VIPR2: variants seen among roughly 807,000 people sequenced by gnomAD.
VIPR2 encodes vasoactive intestinal peptide receptor 2.
A neutral mutation model predicts 58.0 loss-of-function variants in VIPR2; 48 were observed. The observed-to-expected ratio is 0.83, with a 90% CI of 0.66 to 1.05. The LOEUF is 1.05. Ranked by LOEUF, VIPR2 falls within the 50% of genes least tolerant of loss-of-function variation. VIPR2 has a pLI of 0.00. For synonymous variants in VIPR2, 243 were observed against 235.2 expected, an observed-to-expected ratio of 1.03 and a Z score of -0.30; for missense variants, 534 against 558.0, an observed-to-expected ratio of 0.96 and a Z score of 0.43.
At chr7:159,080,250 A>G (rs1368338191) in intron 4 of VIPR2, among the ~76,000 whole-genome samples, 1 of 152,220 alleles carries the variant, frequency 6.6e-6, no homozygotes, top group Non-Finnish European at 1.5e-5. Context: ...CCAACAACAC[A>G]TCAAAAAGCT....
chr7:159,061,898 G>A (rs1416366353), intron 4 of VIPR2, among the ~76,000 whole-genome samples: 1 of 152,172 alleles, frequency 6.6e-6, no homozygotes, highest in Non-Finnish European at 1.5e-5. Flanking sequence ...GCTAGCGGGA[G>A]AAGCCTGCCG....
chr7:159,057,675 T>C (rs1855400575), intron 5 of VIPR2, among the ~76,000 whole-genome samples: 1 of 152,218 alleles, frequency 6.6e-6, no homozygotes, highest in Admixed American at 6.5e-5. Context: ...GCCTCCATTT[T>C]ATTTAGTGCT....
Position 159,034,584 on chromosome 7 carries a change from G to A in VIPR2, c.876C>T (p.Ile292=), listed in dbSNP as rs775675627. 3 of 1,613,410 alleles carry A rather than the reference G, an allele frequency of 1.9e-6. No homozygotes were observed. The Admixed American group carries it at 5.0e-5, about 27-fold the overall frequency. ...WVIRIPILIS[I]IVNFVLFISI... ...CATGTCAACAGGGACTACTTACGAT[G>A]ATGGAAATTAAAATCGGTATTCGTA... is the stretch of plus-strand genomic sequence containing the variant. The change falls in exon 9 of 13, where the codon ATC becomes ATT. Residue 292 remains isoleucine, a synonymous_variant. Transcript: ENST00000262178.
At chr7:159,051,741 A>G (rs1295765442) in intron 5 of VIPR2, among the ~76,000 whole-genome samples, 1 of 152,230 alleles carries the variant, frequency 6.6e-6, no homozygotes, top group Non-Finnish European at 1.5e-5. Flanking sequence ...TATCTTAAAT[A>G]TCAGACAAAG....
intron 4 of VIPR2, 129 bp from the exon 5 acceptor site, chr7:159,058,707 G>T: frequency 3.0e-6 from 2 of 675,842 alleles, no homozygotes; most frequent in East Asian, 2.7e-5. Context: ...GCACGAGATA[G>T]TCTCGCTTTA....
At chr7:159,080,969 G>A (rs1368355866) in intron 4 of VIPR2, among the ~76,000 whole-genome samples, 2 of 152,094 alleles carry the variant, frequency 1.3e-5, no homozygotes, top group Admixed American at 6.6e-5. Context: ...AATAAAAGAG[G>A]ATACAAACAA....
At position 159,097,152 on chromosome 7, in the gene VIPR2, C is replaced by T. The variant is rs1460548326; in HGVS notation, c.357+6605G>A. On this transcript the variant is annotated intron_variant, in intron 4 of 12. Coordinates refer to ENST00000262178, the MANE Select transcript of VIPR2 (RefSeq NM_003382.5). This position sits in a 1 kb window ranked among gnomAD's most constrained non-coding sequence, Gnocchi z 5.3. Reference sequence around the variant, plus strand: ...GCCTCCCACAAAGGCATCTGCAGTGCCAGCTGCTGTGATCTTTGTCACCAG... The same window carrying T: ...GCCTCCCACAAAGGCATCTGCAGTGTCAGCTGCTGTGATCTTTGTCACCAG... The T allele has an allele frequency of 6.9e-7, 1 of 1,454,218 alleles. No individual in the cohort carries two copies. The highest frequency in any genetic ancestry group is 2.5e-5 in the East Asian group (1 of 39,892). 90.1% of individuals were successfully genotyped at this position (1,454,218 alleles called of 1,614,324 possible).
intron 6 of VIPR2, 32 bp from the exon 7 acceptor site, chr7:159,036,934 T>A (rs567755241): frequency 4.4e-5 from 70 of 1,597,816 alleles, no homozygotes; most frequent in Non-Finnish European, 5.6e-5. Context: ...GAGGAAAGCA[T>A]GACCTCATCC....
At chr7:159,042,788 C>T (rs1854425110) in intron 6 of VIPR2, among the ~76,000 whole-genome samples, 1 of 152,168 alleles carries the variant, frequency 6.6e-6, no homozygotes, top group African/African-American at 2.4e-5. Flanking sequence ...GGCTCAGGGC[C>T]CTTTCACTTC....
chr7:159,136,185 C>T (rs1797216720), intron 2 of VIPR2, among the ~76,000 whole-genome samples: 2 of 152,138 alleles, frequency 1.3e-5, no homozygotes, highest in Admixed American at 1.3e-4. Context: ...GGCTTTCTTG[C>T]TGGCGGGGAC....
intron 4 of VIPR2, among the ~76,000 whole-genome samples, chr7:159,064,764 A>C (rs1855987852): frequency 6.6e-6 from 1 of 152,156 alleles, no homozygotes; most frequent in African/African-American, 2.4e-5. Context: ...CTGGCACCAC[A>C]TGACCCGGGG....
At chr7:159,033,259 C>A (rs1413217042) in intron 10 of VIPR2, among the ~76,000 whole-genome samples, 1 of 152,178 alleles carries the variant, frequency 6.6e-6, no homozygotes, top group African/African-American at 2.4e-5. Context: ...TCCTGTCTAA[C>A]CGCCCCTCCC....
At chr7:159,076,251 G>T (rs1856631247) in intron 4 of VIPR2, among the ~76,000 whole-genome samples, 1 of 151,954 alleles carries the variant, frequency 6.6e-6, no homozygotes, top group Non-Finnish European at 1.5e-5. Flanking sequence ...TATTAGAAAA[G>T]AAAAAAACAA....
intron 8 of VIPR2, chr7:159,035,609 C>T: frequency 2.3e-6 from 2 of 885,014 alleles, no homozygotes; most frequent in Non-Finnish European, 2.7e-6. Context: ...ACCTGACCTT[C>T]CACTTTGCTC....
chr7:159,130,266 T>C (rs1467524464), intron 2 of VIPR2, among the ~76,000 whole-genome samples: 3 of 152,084 alleles, frequency 2.0e-5, no homozygotes, highest in Admixed American at 2.0e-4. Flanking sequence ...TCCCCCAAAC[T>C]CAGCCATCTT....
intron 4 of VIPR2, among the ~76,000 whole-genome samples, chr7:159,061,726 T>G (rs1053415892): frequency 6.6e-6 from 1 of 152,106 alleles, no homozygotes; most frequent in Admixed American, 6.5e-5. Flanking sequence ...TCAGCAAGTA[T>G]TTACTGGGCG....
chr7:159,099,216 A>G lies in VIPR2; in HGVS notation c.357+4541T>C, dbSNP rs1858059184. 6.6e-6 allele frequency among the ~76,000 whole-genome samples: 1 copy of G among 152,238 alleles called. No individual in the cohort carries two copies. Among genetic ancestry groups the G allele is most frequent in the Admixed American group, 6.5e-5 (1 of 15,284 alleles). ...TGACTTTCTAATCCCTTAGCAGTGA[A>G]TATGCACTTATAATATTTGCAGAAT... On this transcript the variant is annotated intron_variant, in intron 4 of 12. Transcript: ENST00000262178. The surrounding 1 kb of genome is among the most constrained non-coding windows in gnomAD (Gnocchi z 4.2).
At chr7:159,131,337 C>T (rs570122603) in intron 2 of VIPR2, among the ~76,000 whole-genome samples, 1 of 152,348 alleles carries the variant, frequency 6.6e-6, no homozygotes, top group South Asian at 2.1e-4. Flanking sequence ...GTTCATTTCA[C>T]ACTGATCATG....
At position 159,036,682 on chromosome 7, in the gene VIPR2, G is replaced by T. The variant is rs1261732171; in HGVS notation, c.748+70C>A. On this transcript the variant is annotated intron_variant, in intron 7 of 12. Coordinates refer to ENST00000262178, the MANE Select transcript of VIPR2 (RefSeq NM_003382.5). ...GGGGCGGCAAAGTGTTTTCTGAGCT[G>T]AAAATGTTTGCGTTGTTTGGTCCGA... The T allele has an allele frequency of 2.6e-6, 4 of 1,521,700 alleles. No individual in the cohort carries two copies. The South Asian group carries it at 5.0e-5, about 19-fold the overall frequency. 94.3% of individuals were successfully genotyped at this position (1,521,700 alleles called of 1,614,324 possible). A position where few individuals can be genotyped will look rare whatever the true frequency, so the allele number is the denominator to read the frequency against.
Sources: allele counts gnomAD v4.1 joint callset (sites outside exome capture counted in the v4.1 genomes callset), GRCh38; gene constraint gnomAD v4.1.1; non-coding constraint Gnocchi (gnomAD v3.1); transcripts MANE v1.5; gene names NCBI Gene and HGNC (gene_info 2026-07-23, HGNC 2026-07-21).